Variants in TMEM238 observed in about 807,000 individuals in gnomAD.
The protein encoded by TMEM238 is transmembrane protein 238.
For synonymous variants in TMEM238, 103 were observed against 111.5 expected (o/e 0.92, Z 0.48); for missense variants, 169 against 206.8 (o/e 0.82, Z 1.12).
At position 55,383,896 on chromosome 19, in the gene TMEM238, G is replaced by T. The variant is rs1188357035; in HGVS notation, c.364C>A (p.Arg122Ser). 3.2e-5 allele frequency: 36 copies of T among 1,124,994 alleles called. No homozygotes were observed. The highest frequency in any genetic ancestry group is 3.8e-5 in the Non-Finnish European group (35 of 914,788). The allele number at this position is 1,124,994 out of a possible 1,614,324, so 69.7% of individuals were successfully genotyped here. A position where few individuals can be genotyped will look rare whatever the true frequency, so the allele number is the denominator to read the frequency against. Residue 122 changes from arginine (R) to serine (S), a missense_variant, in exon 1 of 2, where the codon CGC becomes AGC. Physicochemically the swap from Arg to Ser is moderately radical, Grantham distance 110 (BLOSUM62 -1). Transcript: ENST00000444469. This position sits in a 1 kb window ranked among gnomAD's most constrained non-coding sequence, Gnocchi z 4.9. Reference protein sequence around the residue: ...LARLARKLSRRWSAPAAAGQR... With the variant: ...LARLARKLSRSWSAPAAAGQR... ...CCCGCGGCGGCGGGCGCCGACCAGC[G>T]GCGGGAGAGCTTGCGCGCCAGGCGG...
At chr19:55,382,636 G>A (rs932677657) in intron 1 of TMEM238, among the ~76,000 whole-genome samples, 1 of 152,194 alleles carries the variant, frequency 6.6e-6, no homozygotes, top group Non-Finnish European at 1.5e-5. Flanking sequence ...AGTGCAGAGA[G>A]GCAGGAGAAA....
chr19:55,381,670 TGTCCTATGGATA>T (rs1338997277), intron 1 of TMEM238, among the ~76,000 whole-genome samples: 2 of 152,120 alleles, frequency 1.3e-5, no homozygotes, highest in Non-Finnish European at 1.5e-5. Context: ...AAACTCTGAC[TGTCCTATGGATA>T]GTCCTATGGA....
At chr19:55,381,148 G>C (rs1164403136) in intron 1 of TMEM238, among the ~76,000 whole-genome samples, 1 of 152,020 alleles carries the variant, frequency 6.6e-6, no homozygotes, top group Non-Finnish European at 1.5e-5. Context: ...GCCGGGCACG[G>C]TGGTTCACGC....
At position 55,384,094 on chromosome 19, in the gene TMEM238, C is replaced by T; in HGVS notation, c.166G>A (p.Val56Met). The T allele has an allele frequency of 1.4e-6, 2 of 1,466,194 alleles. No individual in the cohort carries two copies. The highest frequency in any genetic ancestry group is 1.2e-5 in the South Asian group (1 of 80,310). 90.8% of individuals were successfully genotyped at this position (1,466,194 alleles called of 1,614,324 possible). A position where few individuals can be genotyped will look rare whatever the true frequency, so the allele number is the denominator to read the frequency against. Residue 56 changes from valine to methionine, a missense_variant, in exon 1 of 2, where the codon GTG (valine) becomes ATG (methionine). Coordinates refer to ENST00000444469, the MANE Select transcript of TMEM238 (RefSeq NM_001190764.2). The surrounding 1 kb of genome is among the most constrained non-coding windows in gnomAD (Gnocchi z 5.6). ...CCGCGCACCTGCAGCTGCGCGAACA[C>T]GCCGGTCAGCAGCGCCGCCATGCCC... ...VAGMAALLTG[V>M]FAQLQVRGRD...
Position 55,384,136 on chromosome 19 carries a change from C to G in TMEM238, c.124G>C (p.Val42Leu). The G allele has an allele frequency of 7.0e-7, 1 of 1,431,798 alleles. No homozygotes were observed. The highest frequency in any genetic ancestry group is 9.2e-7 in the Non-Finnish European group (1 of 1,084,672). The allele number at this position is 1,431,798 out of a possible 1,614,324, so 88.7% of individuals were successfully genotyped here. Residue 42 changes from valine to leucine, a missense_variant, in exon 1 of 2, where the codon GTG becomes CTG. Transcript: ENST00000444469. This position sits in a 1 kb window ranked among gnomAD's most constrained non-coding sequence, Gnocchi z 5.6. ...GRCRMALLLA[V>L]ALDVAGMAAL... ...GCCATGCCCGCCACATCCAGCGCCA[C>G]GGCCAGCAGCAGCGCCATCCGGCAG...
chr19:55,382,674 G>A (rs1041589854), intron 1 of TMEM238, among the ~76,000 whole-genome samples: 8 of 152,158 alleles, frequency 5.3e-5, no homozygotes, highest in African/African-American at 1.9e-4. Flanking sequence ...GGGTCCACAG[G>A]CCAGTGAGTG....
intron 1 of TMEM238, among the ~76,000 whole-genome samples, chr19:55,379,665 GAA>G (rs2089877031): frequency 6.6e-6 from 1 of 152,144 alleles, no homozygotes; most frequent in Non-Finnish European, 1.5e-5. Flanking sequence ...CAGGGACAAA[GAA>G]AGAGACCTGG....
At chr19:55,381,075 A>G (rs2089884850) in intron 1 of TMEM238, among the ~76,000 whole-genome samples, 1 of 152,180 alleles carries the variant, frequency 6.6e-6, no homozygotes, top group Non-Finnish European at 1.5e-5. Context: ...ATTTCCCCAA[A>G]TCTCACAAAG....
intron 1 of TMEM238, among the ~76,000 whole-genome samples, chr19:55,381,340 C>T (rs576298004): frequency 3.6e-5 from 5 of 140,026 alleles, no homozygotes; most frequent in Admixed American, 7.6e-5. Context: ...ATTGCTTGAA[C>T]GCGGGAGGCA....
intron 1 of TMEM238, among the ~76,000 whole-genome samples, chr19:55,382,272 G>A (rs1259227019): frequency 1.3e-5 from 2 of 151,884 alleles, no homozygotes; most frequent in Admixed American, 6.6e-5. Context: ...CCAGCCATCC[G>A]TTCTTCCATC....
At chr19:55,381,311 G>A (rs149025234) in intron 1 of TMEM238, among the ~76,000 whole-genome samples, 6,099 of 150,954 alleles carry the variant, frequency 0.04, 120 homozygotes, top group Middle Eastern at 0.062. Context: ...CCAGCTACTC[G>A]GGAAGCTGAG....
At chr19:55,380,273 C>T (rs2089879910) in intron 1 of TMEM238, among the ~76,000 whole-genome samples, 2 of 76,436 alleles carry the variant, frequency 2.6e-5, no homozygotes, top group Non-Finnish European at 5.4e-5. Flanking sequence ...TCCTCTCCTC[C>T]CCTCCCCTCC....
At position 55,383,718 on chromosome 19, in the gene TMEM238, T is replaced by C. The variant is rs2089895165; in HGVS notation, c.*7+4A>G. 4.3e-6 allele frequency: 1 copy of C among 233,796 alleles called. No homozygotes were observed. The highest frequency in any genetic ancestry group is 8.2e-6 in the Non-Finnish European group (1 of 122,152). The allele number at this position is 233,796 out of a possible 1,614,324, so 14.5% of individuals were successfully genotyped here. On this transcript the variant is annotated splice_donor_region_variant and intron_variant, in intron 1 of 1. Coordinates refer to ENST00000444469, the MANE Select transcript of TMEM238 (RefSeq NM_001190764.2). This position sits in a 1 kb window ranked among gnomAD's most constrained non-coding sequence, Gnocchi z 4.9. ...CTCCCCGCCCTGCCCCGCCCGCCCC[T>C]CACCTGGGCCTCACTCGCTGCCCGC...
rs1428783834 is a variant in TMEM238, at chr19:55,383,464, CCTAA to C, written c.*7+254_*7+257del. On this transcript the variant is annotated intron_variant, in intron 1 of 1. Transcript: ENST00000444469. This position sits in a 1 kb window ranked among gnomAD's most constrained non-coding sequence, Gnocchi z 4.9. The stretch of plus-strand genomic sequence containing the variant: ...GCTGGGGCTCTCCCCGTGCGGGGGG[CCTAA>C]CTGTGTGACTCGACCCCCACACTTC... Among the ~76,000 whole-genome samples the C allele has an allele frequency of 1.3e-5, 2 of 152,122 alleles. No homozygotes were observed. Among genetic ancestry groups the C allele is most frequent in the African/African-American group, 2.4e-5 (1 of 41,420 alleles).
At position 55,384,134 on chromosome 19, in the gene TMEM238, C is replaced by G; in HGVS notation, c.126G>C (p.Val42=). The part of the protein sequence containing the change: ...GRCRMALLLA[V]ALDVAGMAAL... ...CCGCCATGCCCGCCACATCCAGCGC[C>G]ACGGCCAGCAGCAGCGCCATCCGGC... Residue 42 remains valine (V), a synonymous_variant, in exon 1 of 2, where the codon GTG becomes GTC. Transcript: ENST00000444469. The surrounding 1 kb of genome is among the most constrained non-coding windows in gnomAD (Gnocchi z 5.6). 1 of 1,435,908 alleles carries G rather than the reference C, an allele frequency of 7.0e-7. No individual in the cohort carries two copies. The highest frequency in any genetic ancestry group is 1.3e-5 in the South Asian group (1 of 78,676). The allele number at this position is 1,435,908 out of a possible 1,614,324, so 88.9% of individuals were successfully genotyped here.
At chr19:55,381,658 G>A (rs2089887517) in intron 1 of TMEM238, among the ~76,000 whole-genome samples, 2 of 151,952 alleles carry the variant, frequency 1.3e-5, no homozygotes, top group African/African-American at 4.8e-5. Context: ...CAGAGGCTGG[G>A]CAAACTCTGA....
intron 1 of TMEM238, among the ~76,000 whole-genome samples, chr19:55,379,616 G>T (rs374083163): frequency 8.5e-5 from 13 of 152,246 alleles, no homozygotes; most frequent in African/African-American, 2.4e-4. Context: ...AGGCAGAAAG[G>T]GGGAGACGAA....
Position 55,384,000 on chromosome 19 carries a change from A to G in TMEM238, c.260T>C (p.Ile87Thr), listed in dbSNP as rs2089897548. The change falls in exon 1 of 2, where the codon ATC becomes ACC. Residue 87 changes from isoleucine (I) to threonine (T), a missense_variant. Physicochemically the swap from Ile to Thr is moderately conservative, Grantham distance 89 (BLOSUM62 -1). Transcript: ENST00000444469. The surrounding 1 kb of genome is among the most constrained non-coding windows in gnomAD (Gnocchi z 4.9). Reference sequence around the variant, plus strand: ...CTCGATGTTGCCGGTGTACCAGAGGATCCAGCCCAGCAGGCTCAGGAACAC... The same window carrying G: ...CTCGATGTTGCCGGTGTACCAGAGGGTCCAGCCCAGCAGGCTCAGGAACAC... ...LLVFLSLLGW[I>T]LWYTGNIEIS... The G allele has an allele frequency of 6.9e-7, 1 of 1,457,728 alleles. No homozygotes were observed. The highest frequency in any genetic ancestry group is 9.1e-7 in the Non-Finnish European group (1 of 1,100,558). 90.3% of individuals were successfully genotyped at this position (1,457,728 alleles called of 1,614,324 possible).
intron 1 of TMEM238, among the ~76,000 whole-genome samples, chr19:55,380,134 G>A (rs1351717433): frequency 1.3e-5 from 2 of 151,912 alleles, no homozygotes; most frequent in Admixed American, 6.6e-5. Flanking sequence ...AGAGTCCTGG[G>A]TTTGAACAGG....
Sources: gnomAD v4.1 joint callset for allele counts (sites outside exome capture counted in the v4.1 genomes callset) on GRCh38, gnomAD v4.1.1 for gene constraint, Gnocchi (gnomAD v3.1) non-coding constraint, MANE v1.5 for transcripts, NCBI Gene and HGNC (gene_info 2026-07-23, HGNC 2026-07-21) for gene names.